The following TUSC3 variants were observed in gnomAD, a reference collection of about 807,000 sequenced individuals.
TUSC3 encodes dolichyl-diphosphooligosaccharide--protein glycosyltransferase subunit TUSC3.
A neutral mutation model predicts 44.8 loss-of-function variants in TUSC3; 45 were observed. The ratio of observed to expected loss-of-function variants is 1.00; its 90% CI spans 0.79 to 1.29. The LOEUF (loss-of-function observed/expected upper bound fraction) is 1.29. Ranked by LOEUF, TUSC3 falls within the 50% of genes most tolerant of loss-of-function variation. The pLI is 0.00. For missense variants in TUSC3, 519 were observed against 437.9 expected, an observed-to-expected ratio of 1.19 and a Z score of -1.65; for synonymous variants, 212 against 152.9, an observed-to-expected ratio of 1.39 and a Z score of -2.85.
At chr8:15,826,152 G>C in the TUSC3 span, among the ~76,000 whole-genome samples, 72 of 151,978 alleles carry the variant, frequency 4.7e-4, 1 homozygote, top group South Asian at 2.1e-4. Flanking sequence ...TAAATATAGA[G>C]TTCATGCATT....
the TUSC3 span, among the ~76,000 whole-genome samples, chr8:15,796,745 A>G: frequency 1 from 152,250 of 152,308 alleles, 76,096 homozygotes; most frequent in Middle Eastern, 1. Flanking sequence ...TAAAGTTGCT[A>G]CCAGGATGCT....
intron 6 of TUSC3, among the ~76,000 whole-genome samples, chr8:15,729,008 C>A (rs1265887577): frequency 6.6e-6 from 1 of 152,020 alleles, no homozygotes; most frequent in African/African-American, 2.4e-5. Flanking sequence ...TGGGGGAGTC[C>A]ATTGATGACC....
At chr8:15,851,883 G>A in the TUSC3 span, among the ~76,000 whole-genome samples, 2 of 152,064 alleles carry the variant, frequency 1.3e-5, no homozygotes, top group Non-Finnish European at 1.5e-5. Context: ...TGAATCATTG[G>A]GGAGGATTCC....
the TUSC3 span, among the ~76,000 whole-genome samples, chr8:15,774,726 C>T: frequency 2.0e-5 from 3 of 152,206 alleles, no homozygotes; most frequent in East Asian, 5.8e-4. Flanking sequence ...ACATAAGGTG[C>T]TCAATGTCAT....
At chr8:15,657,273 G>T (rs1357884918) in intron 3 of TUSC3, among the ~76,000 whole-genome samples, 1 of 152,028 alleles carries the variant, frequency 6.6e-6, no homozygotes, top group African/African-American at 2.4e-5. Context: ...ATTATAAATT[G>T]TGTCTTTAAA....
the TUSC3 span, among the ~76,000 whole-genome samples, chr8:15,816,287 C>T: frequency 6.6e-6 from 1 of 152,066 alleles, no homozygotes; most frequent in Non-Finnish European, 1.5e-5. Context: ...AAGGCTCATT[C>T]TTTGAGTTGG....
At chr8:15,535,440 G>A (rs1257368954), upstream of TUSC3, among the ~76,000 whole-genome samples, 1 of 152,198 alleles carries the variant, frequency 6.6e-6, no homozygotes, top group Non-Finnish European at 1.5e-5. Flanking sequence ...TTCAACAAGT[G>A]CTGTATTCTG....
chr8:15,726,261 G>T (rs751220674), intron 6 of TUSC3, among the ~76,000 whole-genome samples: 1 of 151,912 alleles, frequency 6.6e-6, no homozygotes, highest in Non-Finnish European at 1.5e-5. Flanking sequence ...TGCCATATAA[G>T]AGGTATAGAA....
At chr8:15,547,057 G>A (rs925100680) in intron 1 of TUSC3, among the ~76,000 whole-genome samples, 1 of 151,478 alleles carries the variant, frequency 6.6e-6, no homozygotes, top group Admixed American at 6.6e-5. Flanking sequence ...ATTATTTATG[G>A]TATATTTATT....
the TUSC3 span, among the ~76,000 whole-genome samples, chr8:15,827,849 T>C: frequency 6.6e-6 from 1 of 152,160 alleles, no homozygotes; most frequent in Non-Finnish European, 1.5e-5. Flanking sequence ...TGTTGAAGGC[T>C]GTTTGGGATG....
chr8:15,590,698 G>C (rs1454035258), intron 1 of TUSC3, among the ~76,000 whole-genome samples: 1 of 151,758 alleles, frequency 6.6e-6, no homozygotes, highest in East Asian at 1.9e-4. Context: ...CTGAGACAGG[G>C]TTTTGCTCTG....
intron 1 of TUSC3, among the ~76,000 whole-genome samples, 184 bp downstream of exon 1, chr8:15,540,752 T>C (rs1425108399): frequency 6.6e-6 from 1 of 152,076 alleles, no homozygotes; most frequent in African/African-American, 2.4e-5. Flanking sequence ...TTAGCAGGGT[T>C]CTGACTTGAA....
intron 1 of TUSC3, among the ~76,000 whole-genome samples, chr8:15,594,824 A>G (rs1401912684): frequency 6.6e-6 from 1 of 152,176 alleles, no homozygotes; most frequent in Non-Finnish European, 1.5e-5. Context: ...AGACAGATTC[A>G]TGACTTACAG....
At chr8:15,487,791 GGATCACTTCAT>G (rs1483191857) in intron 2 of TUSC3, among the ~76,000 whole-genome samples, 222 of 152,032 alleles carry the variant, frequency 1.5e-3, no homozygotes, top group African/African-American at 5.1e-3. Context: ...ATGTTTCCAA[GGATCACTTCAT>G]TTGACATCGT....
chr8:15,480,847 A>G (rs573879728), intron 1 of TUSC3, among the ~76,000 whole-genome samples: 319 of 152,286 alleles, frequency 2.1e-3, no homozygotes, highest in Middle Eastern at 3.4e-3. Context: ...GGGAGCTAAG[A>G]CTTCAATATA....
chr8:15,537,224 C>G (rs1439757122), upstream of TUSC3, among the ~76,000 whole-genome samples: 1 of 152,136 alleles, frequency 6.6e-6, no homozygotes, highest in African/African-American at 2.4e-5. Flanking sequence ...CCTAAACATT[C>G]CTTTCCACTG....
At chr8:15,753,655 A>C (rs2604363) in intron 9 of TUSC3, among the ~76,000 whole-genome samples, 1,579 of 152,172 alleles carry the variant, frequency 0.01, 10 homozygotes, top group Middle Eastern at 0.027. Context: ...TTTCCTTCTT[A>C]AATAAGCTTT....
intron 2 of TUSC3, 38 bp from the exon 3 acceptor site, chr8:15,650,659 A>G: frequency 3.2e-6 from 5 of 1,563,058 alleles, no homozygotes; most frequent in Non-Finnish European, 4.4e-6. Context: ...ATGCTTCAGT[A>G]CTGATGTGTT....
intron 1 of TUSC3, among the ~76,000 whole-genome samples, chr8:15,551,495 T>C (rs1361242851): frequency 1.3e-5 from 2 of 151,836 alleles, no homozygotes; most frequent in Middle Eastern, 3.4e-3. Flanking sequence ...AAACTAATTG[T>C]GGCTGAGCTG....
Sources: allele counts gnomAD v4.1 joint callset (sites outside exome capture counted in the v4.1 genomes callset), GRCh38; gene constraint gnomAD v4.1.1; transcripts MANE v1.5; gene names NCBI Gene and HGNC (gene_info 2026-07-23, HGNC 2026-07-21).